Variants in DAB1 observed in about 807,000 individuals in gnomAD.
DAB1 encodes DAB adaptor protein 1.
In DAB1, 15 loss-of-function variants were observed where a neutral mutation model predicts 64.6. That is an observed-to-expected ratio of 0.23 (90% CI 0.16 to 0.36). DAB1 has a LOEUF of 0.36. DAB1 is among the 10% of genes least tolerant of loss of function. The probability of loss-of-function intolerance (pLI) is 1.00; values close to 1 mark genes in which losing one functional copy is unlikely to be tolerated. For missense variants in DAB1, 596 were observed against 706.7 expected, an observed-to-expected ratio of 0.84 and a Z score of 1.78; for synonymous variants, 235 against 251.9, an observed-to-expected ratio of 0.93 and a Z score of 0.64.
At chr1:58,469,376 A>G (rs1260549622) in intron 3 of DAB1, among the ~76,000 whole-genome samples, 1 of 151,936 alleles carries the variant, frequency 6.6e-6, no homozygotes, top group Non-Finnish European at 1.5e-5. Flanking sequence ...GTAAGCATAG[A>G]GTCTGGCACC....
intron 1 of DAB1, among the ~76,000 whole-genome samples, chr1:57,311,935 T>A (rs1449392390): frequency 6.6e-6 from 1 of 152,266 alleles, no homozygotes; most frequent in South Asian, 2.1e-4. Flanking sequence ...AACGTTATGG[T>A]TTCTTAACCT....
At chr1:58,118,089 T>C (rs1376228815) in intron 5 of DAB1, among the ~76,000 whole-genome samples, 4 of 151,802 alleles carry the variant, frequency 2.6e-5, no homozygotes, top group African/African-American at 9.7e-5. Context: ...TTTTTAATGT[T>C]TTGTAGAGAC....
chr1:57,791,416 A>G (rs185848621), intron 6 of DAB1, among the ~76,000 whole-genome samples: 63 of 152,310 alleles, frequency 4.1e-4, no homozygotes, highest in African/African-American at 1.5e-3. Context: ...TAGGCTTGAC[A>G]TGTTCATTAT....
intron 1 of DAB1, among the ~76,000 whole-genome samples, chr1:57,370,667 T>C (rs986346381): frequency 6.6e-6 from 1 of 151,784 alleles, no homozygotes; most frequent in South Asian, 2.1e-4. Flanking sequence ...CAATAACTTA[T>C]AGTTTCCTCG....
chr1:58,300,600 GAAAGAAAGAA>G (rs879678791), intron 4 of DAB1, among the ~76,000 whole-genome samples: 4,935 of 37,648 alleles, frequency 0.13, 258 homozygotes, highest in Non-Finnish European at 0.17. Context: ...AAGAAAGAAA[GAAAGAAAGAA>G]AGAGAGAGAG....
At chr1:57,205,156 A>G (rs1665436838) in intron 2 of DAB1, among the ~76,000 whole-genome samples, 1 of 152,224 alleles carries the variant, frequency 6.6e-6, no homozygotes, top group Non-Finnish European at 1.5e-5. Flanking sequence ...GGGGAGGCCC[A>G]TCTGTACCCA....
intron 4 of DAB1, among the ~76,000 whole-genome samples, chr1:58,221,434 C>T (rs1430395275): frequency 6.6e-6 from 1 of 152,208 alleles, no homozygotes; most frequent in South Asian, 2.1e-4. Flanking sequence ...TGAGCATGCC[C>T]GTCTGAAAGA....
At position 57,614,389 on chromosome 1, in the gene DAB1, A is replaced by G. The variant is rs367862399; in HGVS notation, n.625+35203T>C. On this transcript the variant is annotated intron_variant and non_coding_transcript_variant, in intron 7 of 20. Transcript: ENST00000485760. ...AATGGTCATTATTATTGCAACTTGG[A>G]GGAGCTTTTAGAAACAGAAAGTGTC... 6.6e-5 allele frequency among the ~76,000 whole-genome samples: 10 copies of G among 152,314 alleles called. No individual in the cohort carries two copies. The South Asian group carries it at 1.9e-3, about 28-fold the overall frequency.
intron 5 of DAB1, among the ~76,000 whole-genome samples, chr1:58,126,239 T>A (rs1653071715): frequency 6.6e-6 from 1 of 152,104 alleles, no homozygotes. Flanking sequence ...AGATTCCTGT[T>A]GGGGTAACAG....
At chr1:57,689,530 A>G (rs895522188) in intron 6 of DAB1, among the ~76,000 whole-genome samples, 3 of 152,192 alleles carry the variant, frequency 2.0e-5, no homozygotes, top group African/African-American at 4.8e-5. Context: ...TAGTACCTAA[A>G]GAGATGGAGG....
chr1:57,567,235 G>A (rs901144393), intron 7 of DAB1, among the ~76,000 whole-genome samples: 8 of 152,250 alleles, frequency 5.3e-5, no homozygotes, highest in Middle Eastern at 3.4e-3. Context: ...AGCCCTTCAT[G>A]CTAAAAACTC....
At chr1:57,616,400 CT>C (rs200051154) in intron 7 of DAB1, among the ~76,000 whole-genome samples, 1 of 142,786 alleles carries the variant, frequency 7.0e-6, no homozygotes, top group Admixed American at 7.0e-5. Flanking sequence ...CATATTGAAT[CT>C]TTTTTTAATG....
At chr1:57,377,774 C>A (rs755522774) in intron 1 of DAB1, among the ~76,000 whole-genome samples, 1 of 152,090 alleles carries the variant, frequency 6.6e-6, no homozygotes, top group Non-Finnish European at 1.5e-5. Context: ...TCTGCAAAGG[C>A]GTGGGCAGAG....
intron 7 of DAB1, among the ~76,000 whole-genome samples, chr1:57,498,493 T>C (rs557335499): frequency 6.6e-6 from 1 of 151,188 alleles, no homozygotes; most frequent in East Asian, 2.0e-4. Flanking sequence ...GAGAGGAGGG[T>C]TTTTCACAAG....
At chr1:57,251,350 A>G (rs1256745548) in intron 2 of DAB1, among the ~76,000 whole-genome samples, 1 of 152,242 alleles carries the variant, frequency 6.6e-6, no homozygotes, top group East Asian at 1.9e-4. Context: ...GTTAATCATG[A>G]GTGTCCTTAG....
chr1:57,069,793 G>A (rs187860313), intron 7 of DAB1, among the ~76,000 whole-genome samples: 2 of 152,284 alleles, frequency 1.3e-5, no homozygotes, highest in Admixed American at 1.3e-4. Context: ...ACTTTGTAAT[G>A]TATGGGTTAC....
At chr1:58,159,637 T>G (rs1655415703) in intron 4 of DAB1, among the ~76,000 whole-genome samples, 1 of 152,232 alleles carries the variant, frequency 6.6e-6, no homozygotes, top group African/African-American at 2.4e-5. Context: ...CATCACCATC[T>G]GTGACAGCAG....
At chr1:57,426,875 T>TATATATATATATATATATATATATATATA (rs1553180831), upstream of DAB1, among the ~76,000 whole-genome samples, 23 of 129,984 alleles carry the variant, frequency 1.8e-4, no homozygotes, top group Non-Finnish European at 2.6e-4. Context: ...TATATATATA[T>TATATATATATATATATATATATATATATA]TTTTTTGAGA....
intron 7 of DAB1, among the ~76,000 whole-genome samples, chr1:57,522,242 T>TA (rs777098002): frequency 7.9e-5 from 12 of 152,094 alleles, no homozygotes; most frequent in Non-Finnish European, 1.6e-4. Context: ...ACAGAACAGT[T>TA]AGACAGCCAG....
Sources: gnomAD v4.1 joint callset for allele counts (sites outside exome capture counted in the v4.1 genomes callset) on GRCh38, gnomAD v4.1.1 for gene constraint, MANE v1.5 for transcripts, NCBI Gene and HGNC (gene_info 2026-07-23, HGNC 2026-07-21) for gene names.